The following TREM2 variants were observed in gnomAD, a reference collection of about 807,000 sequenced individuals.
TREM2 encodes triggering receptor expressed on monocytes 2.
A neutral mutation model predicts 22.9 loss-of-function variants in TREM2; 20 were observed. The observed-to-expected ratio is 0.87, with a 90% CI of 0.61 to 1.27. The LOEUF is 1.27. Among genes scored for constraint, TREM2 ranks in the 50% most tolerant of loss-of-function variants. The pLI, the probability that TREM2 is intolerant of heterozygous loss-of-function variation, is 0.00. For synonymous variants in TREM2, 111 were observed against 120.9 expected, an observed-to-expected ratio of 0.92 and a Z score of 0.54; for missense variants, 267 against 289.0, an observed-to-expected ratio of 0.92 and a Z score of 0.55.
Position 41,158,526 on chromosome 6 carries a change from T to C in TREM2, c.*238A>G. The C allele has an allele frequency of 6.4e-6, 9 of 1,404,632 alleles. No homozygotes were observed. The highest frequency in any genetic ancestry group is 8.7e-6 in the Non-Finnish European group (9 of 1,038,174). 87.0% of individuals were successfully genotyped at this position (1,404,632 alleles called of 1,614,324 possible). On this transcript the variant is annotated 3_prime_UTR_variant, in exon 5 of 5. Coordinates refer to ENST00000373113, the MANE Select transcript of TREM2 (RefSeq NM_018965.4). ...AAAACTATCCAGCTAAATATGACAG[T>C]CTTGGATTTATTTGTAAGTGTTTAA...
At chr6:41,159,448 G>A (rs192007447) in intron 3 of TREM2, among the ~76,000 whole-genome samples, 3 of 152,288 alleles carry the variant, frequency 2.0e-5, no homozygotes, top group Admixed American at 1.3e-4. Context: ...AGATCTGGGG[G>A]TCTTAGCTTT....
Position 41,158,983 on chromosome 6 carries a change from G to A in TREM2, c.566C>T (p.Ala189Val). 1 of 1,614,228 alleles carries A rather than the reference G, an allele frequency of 6.2e-7. No homozygotes were observed. The highest frequency in any genetic ancestry group is 8.5e-7 in the Non-Finnish European group (1 of 1,180,046). ...LACIFLIKIL[A>V]ASALWAAAWH... ...GGCTGCAGCCCAGAGGGCGCTGGCT[G>A]CTAGAATCTTGATGAGAAAGATGCA... Residue 189 changes from alanine (A) to valine (V), a missense_variant, in exon 4 of 5, where the codon GCA becomes GTA. Physicochemically the swap from Ala to Val is moderately conservative, Grantham distance 64. Transcript: ENST00000373113.
At chr6:41,160,586 C>T (rs1162761030) in intron 2 of TREM2, among the ~76,000 whole-genome samples, 2 of 152,066 alleles carry the variant, frequency 1.3e-5, no homozygotes, top group South Asian at 4.1e-4. Flanking sequence ...CCCTGGCCCA[C>T]CTACTCACAC....
intron 2 of TREM2, among the ~76,000 whole-genome samples, chr6:41,160,902 C>T (rs1388253656): frequency 1.3e-5 from 2 of 152,154 alleles, no homozygotes; most frequent in African/African-American, 4.8e-5. Context: ...TAAGGACCTC[C>T]TATCATGTTC....
In TREM2 at chr6:41,158,994, G is replaced by A; in HGVS notation, c.555C>T (p.Ile185=). The change falls in exon 4 of 5, where the codon ATC becomes ATT. Residue 185 remains isoleucine, a synonymous_variant. Coordinates refer to ENST00000373113, the MANE Select transcript of TREM2 (RefSeq NM_018965.4). ...AGAGGGCGCTGGCTGCTAGAATCTTGATGAGAAAGATGCAGGCCAGGAGGA... is the reference window on the plus strand; with the variant it reads ...AGAGGGCGCTGGCTGCTAGAATCTTAATGAGAAAGATGCAGGCCAGGAGGA... ...ILLLLACIFL[I]KILAASALWA... is the part of the protein sequence containing the mutation. 6.2e-7 allele frequency: 1 copy of A among 1,614,214 alleles called. No homozygotes were observed.
Position 41,158,895 on chromosome 6 carries a change from C to T in TREM2, c.654G>A (p.Gly218=), listed in dbSNP as rs1473993898. ...CACCTGGCAGAGTTTGGAGCTGATA[C>T]CCTGGGTCATGGCCACAGTCCAGTT... ...PSELDCGHDP[G]YQLQTLPGLR... is the part of the protein sequence containing the mutation. Residue 218 remains glycine (G), a synonymous_variant, in exon 4 of 5, where the codon GGG becomes GGA. Coordinates refer to ENST00000373113, the MANE Select transcript of TREM2 (RefSeq NM_018965.4). The T allele has an allele frequency of 3.7e-6, 6 of 1,614,214 alleles. No homozygotes were observed. The highest frequency in any genetic ancestry group is 1.6e-4 in the Middle Eastern group (1 of 6,062).
chr6:41,161,450 G>A lies in TREM2; in HGVS notation c.204C>T (p.Asn68=), dbSNP rs753372932. The A allele has an allele frequency of 6.2e-7, 1 of 1,614,152 alleles. No homozygotes were observed. Among genetic ancestry groups the A allele is most frequent in the African/African-American group, 1.3e-5 (1 of 74,954 alleles). ...TCCTCAGGAAGGACAGCAGCCACAAGTTGTGCGTGCTGACCACACGCTGGC... is the reference window on the plus strand; with the variant it reads ...TCCTCAGGAAGGACAGCAGCCACAAATTGTGCGTGCTGACCACACGCTGGC... The part of the protein sequence containing the change: ...GPCQRVVSTH[N]LWLLSFLRRW... Residue 68 remains asparagine (N), a synonymous_variant, in exon 2 of 5, where the codon AAC becomes AAT. Coordinates refer to ENST00000373113, the MANE Select transcript of TREM2 (RefSeq NM_018965.4).
chr6:41,161,612 C>A lies in TREM2; in HGVS notation c.42G>T (p.Glu14Asp). Residue 14 changes from glutamate (E) to aspartate (D), a missense_variant and splice_region_variant, in exon 2 of 5, where the codon GAG becomes GAT. Coordinates refer to ENST00000373113, the MANE Select transcript of TREM2 (RefSeq NM_018965.4). Reference protein sequence around the residue: ...LRLLILLFVTELSGAHNTTVF... With the variant: ...LRLLILLFVTDLSGAHNTTVF... Reference sequence around the variant, plus strand: ...CTGTGGTGTTGTGGGCTCCGGACAGCTCTGGGGAGGAGACATTCATTCACT... The same window carrying A: ...CTGTGGTGTTGTGGGCTCCGGACAGATCTGGGGAGGAGACATTCATTCACT... The A allele has an allele frequency of 6.2e-7, 1 of 1,612,396 alleles. No homozygotes were observed.
At chr6:41,160,234 A>T (rs7748513) in intron 2 of TREM2, among the ~76,000 whole-genome samples, 1 of 152,068 alleles carries the variant, frequency 6.6e-6, no homozygotes, top group Non-Finnish European at 1.5e-5. Context: ...AGCTGTCTAC[A>T]CAAGCTATGG....
In TREM2 at chr6:41,158,939, C is replaced by T; in HGVS notation, c.610G>A (p.Gly204Arg). 6.2e-7 allele frequency: 1 copy of T among 1,614,254 alleles called. No homozygotes were observed. Among genetic ancestry groups the T allele is most frequent in the Non-Finnish European group, 8.5e-7 (1 of 1,180,046 alleles). ...WAAAWHGQKP[G>R]THPPSELDCG... ...TCCAGTTCACTGGGTGGATGTGTCCCTGGCTTCTGTCCATGCCAGGCTGCA... is the reference window on the plus strand; with the variant it reads ...TCCAGTTCACTGGGTGGATGTGTCCTTGGCTTCTGTCCATGCCAGGCTGCA... Residue 204 changes from glycine (G) to arginine (R), a missense_variant, in exon 4 of 5, where the codon GGG becomes AGG. Gly to Arg is a moderately radical substitution (Grantham distance 125, BLOSUM62 -2). Coordinates refer to ENST00000373113, the MANE Select transcript of TREM2 (RefSeq NM_018965.4).
At position 41,161,272 on chromosome 6, in the gene TREM2, C is replaced by A. The variant is rs752812458; in HGVS notation, c.382G>T (p.Val128Leu). The A allele has an allele frequency of 1.2e-6, 2 of 1,613,744 alleles. No homozygotes were observed. The highest frequency in any genetic ancestry group is 1.3e-5 in the African/African-American group (1 of 74,926). The change falls in exon 2 of 5, where the codon GTG becomes TTG. Residue 128 changes from valine (V) to leucine (L), a missense_variant. Transcript: ENST00000373113. Reference sequence around the variant, plus strand: ...GCCACTGCCCACTCACCTGCCAGCACCTCCACCAGGACCTTCCTGAGGGTG... The same window carrying A: ...GCCACTGCCCACTCACCTGCCAGCAACTCCACCAGGACCTTCCTGAGGGTG... ...ADTLRKVLVE[V>L]LADPLDHRDA...
intron 2 of TREM2, among the ~76,000 whole-genome samples, chr6:41,160,549 G>T (rs191322210): frequency 2.8e-4 from 42 of 152,106 alleles, no homozygotes; most frequent in Admixed American, 2.0e-3. Context: ...TGGTCCCTGC[G>T]CAGAGCTCGG....
chr6:41,159,666 T>C, intron 3 of TREM2, 126 bp downstream of exon 3: 5 of 787,858 alleles, frequency 6.3e-6, no homozygotes, highest in South Asian at 2.9e-5. Flanking sequence ...ACATAAGAGA[T>C]ATCCAGGGCC....
chr6:41,159,005 T>C lies in TREM2; in HGVS notation c.544A>G (p.Ile182Val). ...GCTGCTAGAATCTTGATGAGAAAGATGCAGGCCAGGAGGAGAAGGATGGAA... is the reference window on the plus strand; with the variant it reads ...GCTGCTAGAATCTTGATGAGAAAGACGCAGGCCAGGAGGAGAAGGATGGAA... ...PTSILLLLAC[I>V]FLIKILAASA... The change falls in exon 4 of 5, where the codon ATC (isoleucine) becomes GTC (valine). Residue 182 changes from isoleucine (I) to valine (V), a missense_variant. Coordinates refer to ENST00000373113, the MANE Select transcript of TREM2 (RefSeq NM_018965.4). 1 of 1,614,140 alleles carries C rather than the reference T, an allele frequency of 6.2e-7. No individual in the cohort carries two copies.
At position 41,159,793 on chromosome 6, in the gene TREM2, T is replaced by A. The variant is rs539332069; in HGVS notation, c.481A>T (p.Arg161Trp). Residue 161 changes from arginine (R) to tryptophan (W), a missense_variant and splice_region_variant, in exon 3 of 5, where the codon AGG becomes TGG. Coordinates refer to ENST00000373113, the MANE Select transcript of TREM2 (RefSeq NM_018965.4). ...TTTAGGAAAGACCCATCGCTGTACC[T>A]GGAGATGCTGTGCTCCACATGGGCA... The part of the protein sequence containing the change: ...EDAHVEHSIS[R>W]SLLEGEIPFP... 1.9e-6 allele frequency: 3 copies of A among 1,613,952 alleles called. No individual in the cohort carries two copies. The highest frequency in any genetic ancestry group is 2.2e-5 in the South Asian group (2 of 91,078).
Position 41,158,935 on chromosome 6 carries a change from GTCCCT to G in TREM2, c.609_613del (p.Gly204ThrfsTer5), listed in dbSNP as rs1765487772. 1 of 1,614,222 alleles carries G rather than the reference GTCCCT, an allele frequency of 6.2e-7. No homozygotes were observed. Among genetic ancestry groups the G allele is most frequent in the African/African-American group, 1.3e-5 (1 of 75,066 alleles). On this transcript the variant is annotated frameshift_variant, in exon 4 of 5. Coordinates refer to ENST00000373113, the MANE Select transcript of TREM2 (RefSeq NM_018965.4). LOFTEE classifies it high-confidence loss of function. Reference sequence around the variant, plus strand: ...ACAGTCCAGTTCACTGGGTGGATGTGTCCCTGGCTTCTGTCCATGCCAGGCTGCAG... The same window carrying G: ...ACAGTCCAGTTCACTGGGTGGATGTGGGCTTCTGTCCATGCCAGGCTGCAG...
intron 3 of TREM2, 107 bp downstream of exon 3, chr6:41,159,685 T>A (rs1582077668): frequency 1.0e-6 from 1 of 956,942 alleles, no homozygotes; most frequent in East Asian, 2.5e-5. Context: ...CCCTTCAGGC[T>A]CTAGTTGCCT....
intron 4 of TREM2, 21 bp from the exon 5 acceptor site, chr6:41,158,801 A>G: frequency 6.2e-7 from 1 of 1,614,172 alleles, no homozygotes; most frequent in Non-Finnish European, 8.5e-7. Context: ...CCAAGGACTC[A>G]TGTGGCCCCT....
chr6:41,161,618 G>A lies in TREM2; in HGVS notation c.41-5C>T. ...TGTTGTGGGCTCCGGACAGCTCTGG[G>A]GAGGAGACATTCATTCACTCCTTTG... is the stretch of plus-strand genomic sequence containing the variant. On this transcript the variant is annotated splice_polypyrimidine_tract_variant and splice_region_variant and intron_variant, in intron 1 of 4. Transcript: ENST00000373113. 6.2e-7 allele frequency: 1 copy of A among 1,610,570 alleles called. No individual in the cohort carries two copies.
Sources: gnomAD v4.1 joint callset for allele counts (sites outside exome capture counted in the v4.1 genomes callset) on GRCh38, gnomAD v4.1.1 for gene constraint, MANE v1.5 for transcripts, NCBI Gene and HGNC (gene_info 2026-07-23, HGNC 2026-07-21) for gene names.